Variants in POLR2F observed in about 807,000 individuals in gnomAD.
POLR2F encodes the protein DNA-directed RNA polymerases I, II, and III subunit RPABC2.
In POLR2F, 12 loss-of-function variants were observed where a neutral mutation model predicts 22.7. The ratio of observed to expected loss-of-function variants is 0.53; its 90% CI spans 0.34 to 0.86. The LOEUF (loss-of-function observed/expected upper bound fraction) is 0.86. Ranked by LOEUF, POLR2F falls within the 40% of genes least tolerant of loss-of-function variation. The pLI is 0.02. For missense variants in POLR2F, 126 were observed against 171.5 expected, an observed-to-expected ratio of 0.73 and a Z score of 1.48; for synonymous variants, 57 against 66.0, an observed-to-expected ratio of 0.86 and a Z score of 0.66.
chr22:37,989,532 A>G (rs1473784513), intron 1 of POLR2F, among the ~76,000 whole-genome samples: 1 of 152,178 alleles, frequency 6.6e-6, no homozygotes, highest in Non-Finnish European at 1.5e-5. Flanking sequence ...CTCCTCTGCC[A>G]TGCCCCTTAA....
intron 1 of POLR2F, among the ~76,000 whole-genome samples, chr22:38,013,303 G>A (rs1170007526): frequency 6.6e-6 from 1 of 152,104 alleles, no homozygotes; most frequent in African/African-American, 2.4e-5. Context: ...ATGCCACCAT[G>A]CCTGGCTAAT....
chr22:37,957,994 T>A (rs1057164479), intron 2 of POLR2F, among the ~76,000 whole-genome samples: 4 of 152,082 alleles, frequency 2.6e-5, no homozygotes, highest in African/African-American at 9.7e-5. Context: ...TTGTTGTTGT[T>A]GTTTGTTTGC....
intron 1 of POLR2F, among the ~76,000 whole-genome samples, chr22:38,001,790 T>C (rs139896): frequency 0.73 from 111,050 of 151,602 alleles, 41,890 homozygotes; most frequent in African/African-American, 0.93. Context: ...GCTTAGGCCT[T>C]TCCAAGTGCT....
rs1018376466 is a variant in POLR2F at position 37,980,408 on chromosome 22, G to A, written c.293+13238G>A. On this transcript the variant is annotated intron_variant, in intron 4 of 4. Transcript: ENST00000405557. This position sits in a 1 kb window ranked among gnomAD's most constrained non-coding sequence, Gnocchi z 4.1. ...GCCAGCATCAGCAAGAAAGTGACAG[G>A]GGCCAGAAGAGAGAGAGGATTCCAA... 1.3e-5 allele frequency among the ~76,000 whole-genome samples: 2 copies of A among 152,096 alleles called. No individual in the cohort carries two copies. The highest frequency in any genetic ancestry group is 2.9e-5 in the Non-Finnish European group (2 of 68,004).
intron 3 of POLR2F, among the ~76,000 whole-genome samples, chr22:37,964,574 T>TC (rs1931779637): frequency 7.3e-6 from 1 of 136,974 alleles, no homozygotes; most frequent in Admixed American, 6.9e-5. Context: ...CTTTCTTTCT[T>TC]TTTTTTTTTT....
At chr22:38,038,810 C>G (rs898590777) in intron 5 of POLR2F, among the ~76,000 whole-genome samples, 1 of 151,656 alleles carries the variant, frequency 6.6e-6, no homozygotes, top group Non-Finnish European at 1.5e-5. Context: ...GCCCGCACCC[C>G]GGGGCTGCGC....
intron 1 of POLR2F, among the ~76,000 whole-genome samples, chr22:38,019,569 C>A (rs1372454809): frequency 1.3e-5 from 2 of 152,174 alleles, no homozygotes; most frequent in Admixed American, 1.3e-4. Flanking sequence ...AGGAATCTGC[C>A]CAGGAAATAG....
At position 38,041,095 on chromosome 22, in the gene POLR2F, C is replaced by T. The variant is rs538858341; in HGVS notation, c.*3C>T. 2.0e-4 allele frequency: 330 copies of T among 1,612,892 alleles called. No homozygotes were observed. The East Asian group carries it at 6.7e-3, about 33-fold the overall frequency. ...GGCGGCGGCTCAGAGAGGAGTGACT[C>T]GCCTGAAGCCCCGTGAACAATGCAT... On this transcript the variant is annotated 3_prime_UTR_variant, in exon 6 of 6. Coordinates refer to the POLR2F transcript ENST00000407936.
At chr22:37,996,828 A>T (rs1055492983) in intron 1 of POLR2F, among the ~76,000 whole-genome samples, 1 of 152,204 alleles carries the variant, frequency 6.6e-6, no homozygotes, top group African/African-American at 2.4e-5. Context: ...ACTAATTCCC[A>T]GGCCCCATTC....
Position 37,986,215 on chromosome 22 carries a change from G to A in POLR2F, c.25G>A (p.Asp9Asn). ...GCCCTGGATGGACAGAGGGACGAGG[G>A]ACGAGCATCTGCCGTCGTGTCCCGG... is the stretch of plus-strand genomic sequence containing the variant. The change falls in exon 1 of 3, where the codon GAC becomes AAC. Residue 9 changes from aspartate to asparagine, a missense_variant. By Grantham distance (23) the Asp-to-Asn change is conservative (BLOSUM62 1). Coordinates refer to the POLR2F transcript ENST00000333418. This position sits in a 1 kb window ranked among gnomAD's most constrained non-coding sequence, Gnocchi z 4.7. 1.3e-6 allele frequency: 2 copies of A among 1,542,176 alleles called. No homozygotes were observed. The highest frequency in any genetic ancestry group is 1.7e-6 in the Non-Finnish European group (2 of 1,147,566).
intron 1 of POLR2F, among the ~76,000 whole-genome samples, chr22:37,992,036 A>T (rs144475863): frequency 6.6e-6 from 1 of 152,328 alleles, no homozygotes; most frequent in Admixed American, 6.5e-5. Flanking sequence ...TTAAAAAAAC[A>T]TTGTTAGAGA....
chr22:38,024,266 G>A (rs778267147), intron 1 of POLR2F, among the ~76,000 whole-genome samples: 52 of 152,244 alleles, frequency 3.4e-4, no homozygotes, highest in Admixed American at 6.5e-4. Context: ...ATCTTGTGGC[G>A]TGTGTCAGAA....
intron 1 of POLR2F, among the ~76,000 whole-genome samples, chr22:38,025,226 T>C (rs1202750060): frequency 2.0e-5 from 3 of 152,062 alleles, no homozygotes; most frequent in Non-Finnish European, 2.9e-5. Context: ...CGGTGACACA[T>C]GTGCACTCAC....
intron 1 of POLR2F, chr22:38,025,459 C>T (rs2084999042): frequency 1.6e-5 from 21 of 1,352,876 alleles, no homozygotes; most frequent in South Asian, 1.8e-5. Flanking sequence ...TATACACACA[C>T]GTACTCAAAG....
chr22:38,026,085 C>T (rs749907989), exon 2 of POLR2F: 1 of 534,426 alleles, frequency 1.9e-6, no homozygotes, highest in East Asian at 5.4e-5. Context: ...TGGTGGAGGA[C>T]TCCCCTCAGG....
chr22:38,000,997 A>G (rs1342441207), intron 1 of POLR2F, among the ~76,000 whole-genome samples: 1 of 152,194 alleles, frequency 6.6e-6, no homozygotes, highest in Non-Finnish European at 1.5e-5. Context: ...CGGAGATGAC[A>G]TCTGCGTCTT....
chr22:37,994,210 T>TG (rs1451550681), intron 1 of POLR2F, among the ~76,000 whole-genome samples: 3 of 152,106 alleles, frequency 2.0e-5, no homozygotes, highest in Non-Finnish European at 4.4e-5. Flanking sequence ...GGCACAGCCC[T>TG]GGGGTGTGTT....
At chr22:37,973,430 C>G (rs970390727), downstream of POLR2F, 6 of 1,098,866 alleles carry the variant, frequency 5.5e-6, no homozygotes, top group African/African-American at 9.4e-5. Context: ...CTGAGGTGGG[C>G]AAGGAACAGG....
At chr22:37,965,477 C>T (rs1158879718) in intron 3 of POLR2F, among the ~76,000 whole-genome samples, 3 of 152,248 alleles carry the variant, frequency 2.0e-5, no homozygotes, top group Non-Finnish European at 4.4e-5. Context: ...CACATTCTTG[C>T]ACATTCCATG....
Sources: gnomAD v4.1 joint callset for allele counts (sites outside exome capture counted in the v4.1 genomes callset) on GRCh38, gnomAD v4.1.1 for gene constraint, Gnocchi (gnomAD v3.1) non-coding constraint, MANE v1.5 for transcripts, NCBI Gene and HGNC (gene_info 2026-07-23, HGNC 2026-07-21) for gene names.